Variants in LAMC3 observed in about 807,000 individuals in gnomAD.
The protein encoded by LAMC3 is laminin subunit gamma 3.
LAMC3 carries 128 observed loss-of-function variants against 173.8 expected under a neutral mutation model. That is an observed-to-expected ratio of 0.74 (90% CI 0.64 to 0.85). The LOEUF is 0.85. LAMC3 is among the 40% of genes least tolerant of loss of function. LAMC3 has a pLI of 0.00. For missense variants in LAMC3, 2,022 were observed against 2,156.0 expected, an observed-to-expected ratio of 0.94 and a Z score of 1.23; for synonymous variants, 897 against 909.1, an observed-to-expected ratio of 0.99 and a Z score of 0.24.
chr9:131,073,362 C>A (rs746613987), intron 20 of LAMC3, 41 bp downstream of exon 20: 9 of 1,491,620 alleles, frequency 6.0e-6, no homozygotes, highest in Non-Finnish European at 8.4e-6. Flanking sequence ...TGGCCCTTCT[C>A]CTGGGGGTTC....
intron 27 of LAMC3, among the ~76,000 whole-genome samples, chr9:131,090,433 T>C (rs1830404854): frequency 6.6e-6 from 1 of 152,200 alleles, no homozygotes; most frequent in Non-Finnish European, 1.5e-5. Context: ...GCTGTTTGGA[T>C]TTTGCTGTGG....
At chr9:131,013,590 C>T (rs1227685056) in intron 1 of LAMC3, among the ~76,000 whole-genome samples, 1 of 152,192 alleles carries the variant, frequency 6.6e-6, no homozygotes, top group East Asian at 1.9e-4. Flanking sequence ...CACCAGAAGG[C>T]AGCCTTTACT....
chr9:131,053,590 T>G (rs1834340700), intron 11 of LAMC3, among the ~76,000 whole-genome samples: 1 of 152,092 alleles, frequency 6.6e-6, no homozygotes, highest in African/African-American at 2.4e-5. Context: ...ATCCCAGCAC[T>G]TTGGGAGGCC....
intron 8 of LAMC3, among the ~76,000 whole-genome samples, chr9:131,047,165 C>CTTTTTTTTTTCTTTTTTTTTTTT (rs1834182989): frequency 2.0e-5 from 2 of 102,166 alleles, no homozygotes; most frequent in Non-Finnish European, 3.8e-5. Context: ...CTGAATTCCT[C>CTTTTTTTTTTCTTTTTTTTTTTT]TTTTTTTTTT....
At chr9:131,032,527 T>A (rs978704421) in intron 3 of LAMC3, among the ~76,000 whole-genome samples, 2 of 146,048 alleles carry the variant, frequency 1.4e-5, no homozygotes, top group Admixed American at 6.7e-5. Flanking sequence ...TCTTGCTCTC[T>A]CTCGCTGTCT....
At position 131,036,186 on chromosome 9, in the gene LAMC3, C is replaced by G; in HGVS notation, c.830C>G (p.Ala277Gly). The G allele has an allele frequency of 6.2e-7, 1 of 1,613,240 alleles. No homozygotes were observed. The highest frequency in any genetic ancestry group is 8.5e-7 in the Non-Finnish European group (1 of 1,179,890). ...CCCAGGTGCAAGTGCAACGGGCATGCCAGCGAGTGCGGCCCCGACGTGGCA... is the reference window on the plus strand; with the variant it reads ...CCCAGGTGCAAGTGCAACGGGCATGGCAGCGAGTGCGGCCCCGACGTGGCA... Reference protein sequence around the residue: ...VGGRCKCNGHASECGPDVAGQ... With the variant: ...VGGRCKCNGHGSECGPDVAGQ... The change falls in exon 4 of 28, where the codon GCC (alanine) becomes GGC (glycine). Residue 277 changes from alanine to glycine, a missense_variant. Ala to Gly is a moderately conservative substitution (Grantham distance 60, BLOSUM62 0). Transcript: ENST00000361069.
chr9:131,017,842 A>G (rs1166764021), intron 1 of LAMC3, among the ~76,000 whole-genome samples: 1 of 151,724 alleles, frequency 6.6e-6, no homozygotes, highest in Non-Finnish European at 1.5e-5. Context: ...CCTGGCCAAC[A>G]TGGCAAAACC....
intron 8 of LAMC3, among the ~76,000 whole-genome samples, chr9:131,047,683 C>T (rs113864877): frequency 2.4e-4 from 36 of 150,900 alleles, no homozygotes; most frequent in African/African-American, 8.2e-4. Context: ...GCCAACATGA[C>T]GAAACCCCGT....
intron 23 of LAMC3, among the ~76,000 whole-genome samples, chr9:131,080,564 C>T (rs376633205): frequency 6.6e-6 from 1 of 152,032 alleles, no homozygotes; most frequent in Non-Finnish European, 1.5e-5. Flanking sequence ...ATTACAGGCA[C>T]GAGCCATCAC....
At chr9:131,035,457 G>A (rs1027846462) in intron 3 of LAMC3, among the ~76,000 whole-genome samples, 3 of 152,086 alleles carry the variant, frequency 2.0e-5, no homozygotes, top group South Asian at 2.1e-4. Flanking sequence ...GGTGCCACAC[G>A]CTTCTAAACA....
At chr9:131,065,207 G>A (rs1044868241) in intron 13 of LAMC3, among the ~76,000 whole-genome samples, 11 of 152,182 alleles carry the variant, frequency 7.2e-5, no homozygotes, top group African/African-American at 2.7e-4. Context: ...ACCATGTGAA[G>A]CACTTGGAAC....
At position 131,068,023 on chromosome 9, in the gene LAMC3, G is replaced by A. The variant is rs117299861; in HGVS notation, c.2594-55G>A. On this transcript the variant is annotated intron_variant, in intron 14 of 27. Transcript: ENST00000361069. ...CCTCTGCCTCTGTTGGACCCCCAAAGTTGGAACAGACAATCTGCATTGTTC... is the reference window on the plus strand; with the variant it reads ...CCTCTGCCTCTGTTGGACCCCCAAAATTGGAACAGACAATCTGCATTGTTC... 1.2e-3 allele frequency: 1,884 copies of A among 1,595,254 alleles called. 45 individuals carry two copies. The East Asian group carries it at 0.039, about 33-fold the overall frequency.
chr9:131,061,183 C>T lies in LAMC3; in HGVS notation c.2307C>T (p.Ser769=), dbSNP rs149626622. The T allele has an allele frequency of 2.1e-4, 339 of 1,611,528 alleles. 1 individual carries two copies. Among genetic ancestry groups the T allele is most frequent in the Middle Eastern group, 9.9e-4 (6 of 6,062 alleles). Residue 769 remains serine (S), a synonymous_variant, in exon 13 of 28, where the codon AGC becomes AGT. Transcript: ENST00000361069. ...CGGCCTGTACGACCATCCCAGAGAG[C>T]CGGGAGGTGGTGTGTACCCACTGCC... ...GQSACTTIPE[S]REVVCTHCPP...
intron 23 of LAMC3, 133 bp downstream of exon 23, chr9:131,079,431 A>C: frequency 1.6e-5 from 17 of 1,061,376 alleles, no homozygotes; most frequent in Non-Finnish European, 2.1e-5. Flanking sequence ...GTAGTGGCTC[A>C]CACCTGTAAT....
chr9:131,076,080 G>T (rs1288206140), intron 21 of LAMC3, 115 bp downstream of exon 21: 1 of 1,081,894 alleles, frequency 9.2e-7, no homozygotes, highest in African/African-American at 1.6e-5. Context: ...GACGTTCTTT[G>T]TCGTTGGTGT....
rs753668793 is a variant in LAMC3 at position 131,072,795 on chromosome 9, A to G, written c.3377A>G (p.Glu1126Gly). The change falls in exon 19 of 28, where the codon GAA becomes GGA. Residue 1126 changes from glutamate to glycine, a missense_variant. Glu to Gly is a moderately conservative substitution (Grantham distance 98). Transcript: ENST00000361069. ...CTGGAGGCAGTGCTGGAGTCCTCGG[A>G]AGAGGAGATTCTGCATGCAGCTGCC... ...ADLEAVLESSEEEILHAAAIL... is the reference protein window; with the variant it reads ...ADLEAVLESSGEEILHAAAIL... The G allele has an allele frequency of 3.7e-6, 6 of 1,613,216 alleles. No individual in the cohort carries two copies. The highest frequency in any genetic ancestry group is 1.1e-5 in the South Asian group (1 of 90,790).
chr9:131,010,907 C>G (rs1564360511), intron 1 of LAMC3, among the ~76,000 whole-genome samples: 1 of 152,248 alleles, frequency 6.6e-6, no homozygotes, highest in East Asian at 1.9e-4. Flanking sequence ...CCCATGTCCT[C>G]TGTGGCCGGG....
intron 17 of LAMC3, 71 bp downstream of exon 17, chr9:131,069,921 G>C: frequency 6.8e-7 from 1 of 1,474,358 alleles, no homozygotes. Flanking sequence ...TCTATGCCGG[G>C]CACCAGGAAC....
chr9:131,009,502 C>T lies in LAMC3; in HGVS notation c.288C>T (p.Ser96=). Residue 96 remains serine (S), a synonymous_variant, in exon 1 of 28, where the codon AGC becomes AGT. Transcript: ENST00000361069. The surrounding 1 kb of genome is among the most constrained non-coding windows in gnomAD (Gnocchi z 4.3). ...CCTCCTACCTCACCGACTTCCACAG[C>T]CAGGACGAGAGCACCTGGTGGCAGA... ...HNASYLTDFH[S]QDESTWWQSP... The T allele has an allele frequency of 1.3e-6, 2 of 1,551,904 alleles. No homozygotes were observed. Among genetic ancestry groups the T allele is most frequent in the Non-Finnish European group, 1.7e-6 (2 of 1,147,932 alleles).
Sources: gnomAD v4.1 joint callset for allele counts (sites outside exome capture counted in the v4.1 genomes callset) on GRCh38, gnomAD v4.1.1 for gene constraint, Gnocchi (gnomAD v3.1) non-coding constraint, MANE v1.5 for transcripts, NCBI Gene and HGNC (gene_info 2026-07-23, HGNC 2026-07-21) for gene names.